UNC5C: variants seen among roughly 807,000 people sequenced by gnomAD.
UNC5C encodes the protein netrin receptor UNC5C.
In UNC5C, 47 loss-of-function variants were observed where a neutral mutation model predicts 99.8. The ratio of observed to expected loss-of-function variants is 0.47; its 90% CI spans 0.37 to 0.60. The LOEUF (loss-of-function observed/expected upper bound fraction) is 0.60, where lower values mean the gene tolerates loss of function less well. Ranked by LOEUF, UNC5C falls within the 20% of genes least tolerant of loss-of-function variation. The pLI, the probability that UNC5C is intolerant of heterozygous loss-of-function variation, is 0.00. For synonymous variants in UNC5C, 487 were observed against 452.2 expected, an observed-to-expected ratio of 1.08 and a Z score of -0.98; for missense variants, 1,062 against 1,165.9, an observed-to-expected ratio of 0.91 and a Z score of 1.30.
At position 95,219,088 on chromosome 4, in the gene UNC5C, A is replaced by G; in HGVS notation, c.1526T>C (p.Leu509Ser). Reference protein sequence around the residue: ...SKLSPQMTQSLLENEALSLKN... With the variant: ...SKLSPQMTQSSLENEALSLKN... ...CAGGCTGAGGGCTTCATTCTCCAAC[A>G]ACGACTGGGTCATCTGAGGGGACAG... The change falls in exon 9 of 16, where the codon TTG becomes TCG. Residue 509 changes from leucine (L) to serine (S), a missense_variant. Around this residue, in one of 3 missense-constraint regions of UNC5C, gnomAD observed 810 missense variants for 854.5 expected, o/e 0.95. Coordinates refer to ENST00000453304, the MANE Select transcript of UNC5C (RefSeq NM_003728.4). 6.2e-7 allele frequency: 1 copy of G among 1,613,946 alleles called. No individual in the cohort carries two copies. The highest frequency in any genetic ancestry group is 8.5e-7 in the Non-Finnish European group (1 of 1,179,924).
chr4:95,219,364 C>G (rs1239477678), intron 8 of UNC5C, 51 bp from the exon 9 acceptor site: 1 of 1,553,842 alleles, frequency 6.4e-7, no homozygotes, highest in Non-Finnish European at 8.8e-7. Context: ...TTCAGGCCAA[C>G]CTACATTAGT....
At chr4:95,467,207 C>T (rs1747808874) in intron 1 of UNC5C, among the ~76,000 whole-genome samples, 1 of 152,166 alleles carries the variant, frequency 6.6e-6, no homozygotes, top group Non-Finnish European at 1.5e-5. Context: ...CTCCTAGATT[C>T]CCCACCCTCA....
At chr4:95,178,876 T>C (rs1480965754) in intron 14 of UNC5C, among the ~76,000 whole-genome samples, 1 of 152,152 alleles carries the variant, frequency 6.6e-6, no homozygotes, top group Non-Finnish European at 1.5e-5. Flanking sequence ...ACAAGCTCAA[T>C]AGGGCATCAT....
intron 1 of UNC5C, among the ~76,000 whole-genome samples, chr4:95,486,672 A>G (rs1426140221): frequency 6.6e-6 from 1 of 151,646 alleles, no homozygotes; most frequent in Non-Finnish European, 1.5e-5. Flanking sequence ...CCCTCTGATG[A>G]AAATGTTTTA....
At chr4:95,516,131 T>C (rs1722211981) in intron 1 of UNC5C, among the ~76,000 whole-genome samples, 1 of 152,204 alleles carries the variant, frequency 6.6e-6, no homozygotes, top group Admixed American at 6.5e-5. Context: ...AATATGGTAG[T>C]AATGTTTACC....
intron 1 of UNC5C, among the ~76,000 whole-genome samples, chr4:95,525,596 TAAAAAAAAAAA>T (rs574532435): frequency 9.8e-6 from 1 of 102,162 alleles, no homozygotes; most frequent in African/African-American, 4.0e-5. Context: ...GCCTATTTCT[TAAAAAAAAAAA>T]AAAAAAAAAA....
intron 1 of UNC5C, among the ~76,000 whole-genome samples, chr4:95,381,676 A>T (rs1745076250): frequency 6.6e-6 from 1 of 152,180 alleles, no homozygotes; most frequent in African/African-American, 2.4e-5. Context: ...CTAAATTTTG[A>T]GTGCTTTACT....
intron 2 of UNC5C, among the ~76,000 whole-genome samples, chr4:95,335,108 T>G (rs990512651): frequency 1.3e-5 from 2 of 151,996 alleles, no homozygotes; most frequent in Non-Finnish European, 2.9e-5. Flanking sequence ...TTCAAGAATA[T>G]TATTATTTGC....
At chr4:95,424,435 C>T (rs1027060641) in intron 1 of UNC5C, among the ~76,000 whole-genome samples, 1 of 150,710 alleles carries the variant, frequency 6.6e-6, no homozygotes, top group African/African-American at 2.4e-5. Context: ...GCTCAATTCT[C>T]TCAGCAACAT....
At chr4:95,225,400 T>G (rs775662650) in intron 7 of UNC5C, among the ~76,000 whole-genome samples, 1 of 152,112 alleles carries the variant, frequency 6.6e-6, no homozygotes, top group East Asian at 1.9e-4. Context: ...ATGCATATCC[T>G]GTGATCGAAT....
intron 1 of UNC5C, among the ~76,000 whole-genome samples, chr4:95,507,493 T>C (rs902935738): frequency 6.6e-6 from 1 of 152,042 alleles, no homozygotes; most frequent in African/African-American, 2.4e-5. Flanking sequence ...CTCTGCAACA[T>C]TACAATTTCC....
At chr4:95,390,039 C>A (rs1332553138) in intron 1 of UNC5C, among the ~76,000 whole-genome samples, 1 of 151,920 alleles carries the variant, frequency 6.6e-6, no homozygotes, top group Non-Finnish European at 1.5e-5. Flanking sequence ...ATAGTATGCC[C>A]CAAAACTCAC....
chr4:95,313,278 T>G (rs201991983), intron 2 of UNC5C, among the ~76,000 whole-genome samples: 1 of 152,076 alleles, frequency 6.6e-6, no homozygotes. Context: ...GCTAGGGAAG[T>G]TGGTTCTTTG....
chr4:95,295,078 T>C (rs953256757), intron 3 of UNC5C, among the ~76,000 whole-genome samples: 3 of 152,128 alleles, frequency 2.0e-5, no homozygotes, highest in Admixed American at 6.6e-5. Context: ...AATCACAACA[T>C]TGTCAACAAT....
At position 95,271,489 on chromosome 4, in the gene UNC5C, A is replaced by G. The variant is rs563564050; in HGVS notation, c.594+6770T>C. ...CGTGATCCGCCCGCCTCGGCCTACC[A>G]AAGTGCTGGGATTACAGGCGTGAGC... On this transcript the variant is annotated intron_variant, in intron 4 of 15. Transcript: ENST00000453304. Among the ~76,000 whole-genome samples, 9 of 152,136 alleles carry G rather than the reference A, an allele frequency of 5.9e-5. No homozygotes were observed. The South Asian group carries it at 1.9e-3, about 32-fold the overall frequency.
chr4:95,307,109 T>C (rs1347031198), intron 2 of UNC5C, among the ~76,000 whole-genome samples: 1 of 152,058 alleles, frequency 6.6e-6, no homozygotes, highest in Non-Finnish European at 1.5e-5. Context: ...GTTAAAGTAA[T>C]TAAAGTGTGA....
intron 14 of UNC5C, among the ~76,000 whole-genome samples, chr4:95,180,945 G>A (rs562933234): frequency 2.2e-4 from 33 of 152,236 alleles, no homozygotes; most frequent in South Asian, 1.5e-3. Flanking sequence ...GTTTTGTTGA[G>A]GATCTGGGTC....
At chr4:95,492,414 G>A (rs1332413650) in intron 1 of UNC5C, among the ~76,000 whole-genome samples, 1 of 151,046 alleles carries the variant, frequency 6.6e-6, no homozygotes, top group Non-Finnish European at 1.5e-5. Flanking sequence ...AATAATCTTA[G>A]CAGAAAGCAT....
At chr4:95,514,307 A>G (rs1239332510) in intron 1 of UNC5C, among the ~76,000 whole-genome samples, 1 of 152,228 alleles carries the variant, frequency 6.6e-6, no homozygotes, top group Non-Finnish European at 1.5e-5. Context: ...GAAGACCAGA[A>G]ATAATCTAGG....
Sources: allele counts gnomAD v4.1 joint callset (sites outside exome capture counted in the v4.1 genomes callset), GRCh38; gene constraint gnomAD v4.1.1; regional missense constraint gnomAD v4.1.1; transcripts MANE v1.5; gene names NCBI Gene and HGNC (gene_info 2026-07-23, HGNC 2026-07-21).